Variants in GALNT13 observed in about 807,000 individuals in gnomAD.
GALNT13 encodes UDP-GalNAc:polypeptide N-acetylgalactosaminyltransferase 13.
GALNT13 carries 28 observed loss-of-function variants against 64.2 expected under a neutral mutation model. The ratio of observed to expected loss-of-function variants is 0.44; its 90% CI spans 0.32 to 0.60. The LOEUF (loss-of-function observed/expected upper bound fraction) is 0.60. GALNT13 is among the 20% of genes least tolerant of loss of function. GALNT13 has a pLI of 0.05. For synonymous variants in GALNT13, 214 were observed against 224.6 expected, an observed-to-expected ratio of 0.95 and a Z score of 0.42; for missense variants, 577 against 669.8, an observed-to-expected ratio of 0.86 and a Z score of 1.53.
chr2:153,708,120 G>T, the GALNT13 span, among the ~76,000 whole-genome samples: 11 of 151,910 alleles, frequency 7.2e-5, no homozygotes, highest in Admixed American at 7.2e-4. Flanking sequence ...ACCAATTTCT[G>T]TATTCTATAT....
the GALNT13 span, among the ~76,000 whole-genome samples, chr2:153,399,230 T>A: frequency 1.3e-5 from 2 of 151,008 alleles, no homozygotes; most frequent in African/African-American, 4.9e-5. Context: ...GATCAGATAG[T>A]TGTAGATATG....
chr2:154,261,730 T>C (rs932443691), intron 8 of GALNT13, among the ~76,000 whole-genome samples: 1 of 152,180 alleles, frequency 6.6e-6, no homozygotes, highest in African/African-American at 2.4e-5. Flanking sequence ...GCGTAGGTGT[T>C]ATTGTCAAGA....
chr2:153,466,977 A>C, the GALNT13 span, among the ~76,000 whole-genome samples: 1 of 151,978 alleles, frequency 6.6e-6, no homozygotes, highest in African/African-American at 2.4e-5. Flanking sequence ...GTGCTCAATA[A>C]AAAAATATAA....
chr2:154,194,144 T>G (rs1686750877), intron 4 of GALNT13, among the ~76,000 whole-genome samples: 1 of 152,192 alleles, frequency 6.6e-6, no homozygotes, highest in Non-Finnish European at 1.5e-5. Flanking sequence ...CATGTGTTTT[T>G]TTTCTTTTAA....
intron 3 of GALNT13, among the ~76,000 whole-genome samples, chr2:154,068,531 C>A (rs1700583764): frequency 7.0e-6 from 1 of 143,752 alleles, no homozygotes; most frequent in African/African-American, 2.4e-5. Flanking sequence ...AATATTCATC[C>A]ATAAAAAAAA....
chr2:153,217,597 C>T, the GALNT13 span, among the ~76,000 whole-genome samples: 1 of 151,948 alleles, frequency 6.6e-6, no homozygotes, highest in East Asian at 1.9e-4. Context: ...TCAGTTTTTT[C>T]AAGTCTAGAA....
intron 4 of GALNT13, among the ~76,000 whole-genome samples, chr2:154,169,472 T>C (rs1338503946): frequency 6.6e-6 from 1 of 152,130 alleles, no homozygotes; most frequent in East Asian, 1.9e-4. Flanking sequence ...TACCACTGAG[T>C]TGACTTGAGT....
chr2:153,237,958 T>TGACA, the GALNT13 span, among the ~76,000 whole-genome samples: 1 of 152,060 alleles, frequency 6.6e-6, no homozygotes, highest in South Asian at 2.1e-4. Flanking sequence ...CACCAGTGTA[T>TGACA]GACAATTCCC....
chr2:154,127,377 C>G (rs986609665), intron 3 of GALNT13, among the ~76,000 whole-genome samples: 1 of 152,030 alleles, frequency 6.6e-6, no homozygotes, highest in Non-Finnish European at 1.5e-5. Context: ...TGAATAAATT[C>G]ACACTAAACA....
intron 8 of GALNT13, among the ~76,000 whole-genome samples, chr2:154,262,004 A>G (rs937969702): frequency 5.3e-5 from 8 of 152,156 alleles, no homozygotes; most frequent in Non-Finnish European, 8.8e-5. Flanking sequence ...TATTTGTAAC[A>G]TATCACTTGA....
At chr2:153,926,581 AAGTT>A (rs1690151495) in intron 2 of GALNT13, among the ~76,000 whole-genome samples, 1 of 152,270 alleles carries the variant, frequency 6.6e-6, no homozygotes, top group South Asian at 2.1e-4. Context: ...AGACTAGTAA[AAGTT>A]AGAATTTTGG....
At chr2:153,403,347 C>T in the GALNT13 span, among the ~76,000 whole-genome samples, 1 of 152,020 alleles carries the variant, frequency 6.6e-6, no homozygotes, top group Non-Finnish European at 1.5e-5. Flanking sequence ...CAGACAGGGA[C>T]ATTTAAGTCT....
chr2:153,516,165 T>G, the GALNT13 span, among the ~76,000 whole-genome samples: 1 of 152,330 alleles, frequency 6.6e-6, no homozygotes, highest in South Asian at 2.1e-4. Flanking sequence ...ATTGTACTTA[T>G]TGCACAGTAT....
the GALNT13 span, among the ~76,000 whole-genome samples, chr2:153,436,544 G>A: frequency 6.6e-6 from 1 of 152,036 alleles, no homozygotes; most frequent in Non-Finnish European, 1.5e-5. Flanking sequence ...CCTTCTTCCT[G>A]GTTTAGTCTT....
At chr2:153,960,936 T>C (rs1231301776) in intron 3 of GALNT13, among the ~76,000 whole-genome samples, 3 of 152,222 alleles carry the variant, frequency 2.0e-5, no homozygotes, top group Non-Finnish European at 4.4e-5. Flanking sequence ...ATTTTTACGT[T>C]ACAAATTAAT....
intron 3 of GALNT13, among the ~76,000 whole-genome samples, chr2:153,947,920 C>T (rs56259300): frequency 0.06 from 9,088 of 152,130 alleles, 414 homozygotes; most frequent in African/African-American, 0.12. Flanking sequence ...TCTCCTAGCA[C>T]CATTTATTGA....
At chr2:154,438,829 A>G in intron 12 of GALNT13, 103 bp downstream of exon 12, 3 of 926,546 alleles carry the variant, frequency 3.2e-6, no homozygotes, top group Non-Finnish European at 4.8e-6. Context: ...CTACATTGGC[A>G]GAATTAGATT....
intron 9 of GALNT13, among the ~76,000 whole-genome samples, chr2:154,328,774 A>G (rs992615554): frequency 1.3e-5 from 2 of 152,164 alleles, no homozygotes; most frequent in African/African-American, 4.8e-5. Flanking sequence ...CCTTGCTCCA[A>G]CATTTTCTCC....
the GALNT13 span, among the ~76,000 whole-genome samples, chr2:153,185,267 CTCTGATGGTTGTATT>C: frequency 6.6e-6 from 1 of 152,092 alleles, no homozygotes; most frequent in Non-Finnish European, 1.5e-5. Context: ...TTATAGTATT[CTCTGATGGTTGTATT>C]TCTGTGGGAT....
Sources: allele counts gnomAD v4.1 joint callset (sites outside exome capture counted in the v4.1 genomes callset), GRCh38; gene constraint gnomAD v4.1.1; transcripts MANE v1.5; gene names NCBI Gene and HGNC (gene_info 2026-07-23, HGNC 2026-07-21).